ESRRB: variants seen among roughly 807,000 people sequenced by gnomAD.
The protein encoded by ESRRB is estrogen related receptor beta.
Under a neutral mutation model 46.0 loss-of-function variants are expected in ESRRB, and 16 were observed. The observed-to-expected ratio is 0.35, with a 90% CI of 0.24 to 0.53. The LOEUF (loss-of-function observed/expected upper bound fraction) is 0.53. Ranked by LOEUF, ESRRB falls within the 20% of genes least tolerant of loss-of-function variation. The probability of loss-of-function intolerance (pLI) is 0.93; values close to 1 mark genes in which losing one functional copy is unlikely to be tolerated. For missense variants in ESRRB, 488 were observed against 607.4 expected (o/e 0.80, Z 2.07); for synonymous variants, 246 against 259.6 (o/e 0.95, Z 0.50).
At chr14:76,453,124 C>T (rs1888462420) in intron 2 of ESRRB, among the ~76,000 whole-genome samples, 2 of 152,192 alleles carry the variant, frequency 1.3e-5, no homozygotes, top group South Asian at 4.1e-4. Flanking sequence ...CATTCAAGCT[C>T]AAATTTGAGA....
intron 5 of ESRRB, among the ~76,000 whole-genome samples, chr14:76,484,627 A>C (rs1276181205): frequency 6.6e-6 from 1 of 151,984 alleles, no homozygotes; most frequent in African/African-American, 2.4e-5. Context: ...CTGCAACACC[A>C]CGGAGGAAGT....
intron 1 of ESRRB, among the ~76,000 whole-genome samples, chr14:76,341,015 C>T (rs955095884): frequency 4.6e-5 from 7 of 152,188 alleles, no homozygotes; most frequent in African/African-American, 1.7e-4. Flanking sequence ...AGTACCGAGA[C>T]TCAGCCTGCC....
At chr14:76,400,510 G>T (rs182867407) in intron 1 of ESRRB, among the ~76,000 whole-genome samples, 6 of 152,294 alleles carry the variant, frequency 3.9e-5, no homozygotes, top group Admixed American at 3.9e-4. Context: ...ATGTGAAAAT[G>T]GTTTTTCTTT....
intron 1 of ESRRB, among the ~76,000 whole-genome samples, chr14:76,324,349 G>A (rs924412408): frequency 2.0e-5 from 3 of 152,178 alleles, no homozygotes; most frequent in East Asian, 1.9e-4. Context: ...CCCCATGAGG[G>A]CTCCTGTGGG....
At chr14:76,467,852 G>A (rs935487250) in intron 3 of ESRRB, among the ~76,000 whole-genome samples, 1 of 152,022 alleles carries the variant, frequency 6.6e-6, no homozygotes, top group African/African-American at 2.4e-5. Flanking sequence ...GCCTGTCCCC[G>A]CCAACTTCAC....
chr14:76,322,365 C>G (rs1032197858), intron 1 of ESRRB, among the ~76,000 whole-genome samples: 1 of 152,150 alleles, frequency 6.6e-6, no homozygotes, highest in Non-Finnish European at 1.5e-5. Flanking sequence ...AGAATGCAGA[C>G]CTAATCTGCA....
intron 1 of ESRRB, among the ~76,000 whole-genome samples, chr14:76,389,983 A>G (rs532312896): frequency 6.6e-6 from 1 of 152,176 alleles, no homozygotes; most frequent in Non-Finnish European, 1.5e-5. Context: ...TAGTTTGAGA[A>G]CAGCCATGAT....
In ESRRB at chr14:76,412,151, CAAA is replaced by C. The variant is rs200854392; in HGVS notation, c.51-27189_51-27187del. Among the ~76,000 whole-genome samples the C allele has an allele frequency of 2.2e-4, 34 of 152,288 alleles. 1 individual carries two copies. In the East Asian group the frequency reaches 6.4e-3, roughly 29 times the overall value. Reference sequence around the variant, plus strand: ...ATTCTGCTCTGTGCTGCGGGGCACACAAAGAAGAACAGACCTCGGACTCCGCCC... The same window carrying C: ...ATTCTGCTCTGTGCTGCGGGGCACACGAAGAACAGACCTCGGACTCCGCCC... On this transcript the variant is annotated intron_variant, in intron 1 of 6. Transcript: ENST00000644823.
At chr14:76,388,257 C>T (rs1814484) in intron 1 of ESRRB, among the ~76,000 whole-genome samples, 47,481 of 149,144 alleles carry the variant, frequency 0.32, 7,929 homozygotes, top group African/African-American at 0.42. Context: ...CGGCTCACTG[C>T]GCGCTCTGCC....
At chr14:76,366,565 C>T (rs765857507), upstream of ESRRB, among the ~76,000 whole-genome samples, 1 of 152,196 alleles carries the variant, frequency 6.6e-6, no homozygotes, top group Non-Finnish European at 1.5e-5. Flanking sequence ...TGCTGGAAGA[C>T]AAAAGCAACT....
chr14:76,396,166 C>T (rs908349126), intron 1 of ESRRB, among the ~76,000 whole-genome samples: 1 of 148,110 alleles, frequency 6.8e-6, no homozygotes, highest in Non-Finnish European at 1.5e-5. Context: ...AGTGAGACTC[C>T]GTATCAAACA....
At chr14:76,317,307 G>GCT (rs768647221) in intron 1 of ESRRB, among the ~76,000 whole-genome samples, 1 of 125,240 alleles carries the variant, frequency 8.0e-6, no homozygotes. Context: ...TGCTGATTAG[G>GCT]CTCTGTGTGT....
At chr14:76,491,351 C>T in intron 5 of ESRRB, 96 bp from the exon 6 acceptor site, 1 of 1,311,750 alleles carries the variant, frequency 7.6e-7, no homozygotes. Flanking sequence ...CCGCAACCAG[C>T]CACGCCCTGC....
intron 5 of ESRRB, among the ~76,000 whole-genome samples, chr14:76,487,001 T>C (rs965709822): frequency 6.6e-6 from 1 of 152,208 alleles, no homozygotes; most frequent in African/African-American, 2.4e-5. Flanking sequence ...AGATATCAGA[T>C]GGGACAGATG....
At chr14:76,442,333 A>T (rs1340051867) in intron 2 of ESRRB, among the ~76,000 whole-genome samples, 1 of 152,106 alleles carries the variant, frequency 6.6e-6, no homozygotes, top group Admixed American at 6.5e-5. Context: ...AGAATTATCC[A>T]GGCATGGTGG....
intron 6 of ESRRB, among the ~76,000 whole-genome samples, chr14:76,498,012 C>A (rs534451459): frequency 3.3e-4 from 51 of 152,272 alleles, no homozygotes; most frequent in African/African-American, 1.0e-3. Context: ...CCCCTGTAGA[C>A]GCCAGTCTCT....
chr14:76,375,250 G>A (rs1884723371), upstream of ESRRB, among the ~76,000 whole-genome samples: 1 of 152,106 alleles, frequency 6.6e-6, no homozygotes. Flanking sequence ...CAGGGCTGGG[G>A]CATGACTTAC....
chr14:76,464,241 C>A (rs1324881762), intron 3 of ESRRB, among the ~76,000 whole-genome samples: 1 of 152,180 alleles, frequency 6.6e-6, no homozygotes, highest in South Asian at 2.1e-4. Flanking sequence ...CCAGACCCTT[C>A]CTGGAGGGGG....
chr14:76,368,126 C>CTTTTTTTT (rs751709764), upstream of ESRRB, among the ~76,000 whole-genome samples: 7 of 124,222 alleles, frequency 5.6e-5, no homozygotes, highest in Non-Finnish European at 8.1e-5. Flanking sequence ...CTAATTTTTC[C>CTTTTTTTT]TTTTTTTTTT....
Sources: gnomAD v4.1 joint callset for allele counts (sites outside exome capture counted in the v4.1 genomes callset) on GRCh38, gnomAD v4.1.1 for gene constraint, MANE v1.5 for transcripts, NCBI Gene and HGNC (gene_info 2026-07-23, HGNC 2026-07-21) for gene names.